Variants in GLCCI1 observed in about 807,000 individuals in gnomAD.
GLCCI1 encodes glucocorticoid induced 1.
GLCCI1 carries 24 observed loss-of-function variants against 52.2 expected under a neutral mutation model. That is an observed-to-expected ratio of 0.46 (90% confidence interval 0.33 to 0.65). The LOEUF (loss-of-function observed/expected upper bound fraction) is 0.65. Ranked by LOEUF, GLCCI1 falls within the 30% of genes least tolerant of loss-of-function variation. The probability of loss-of-function intolerance (pLI) is 0.02; values close to 1 mark genes in which losing one functional copy is unlikely to be tolerated. For missense variants in GLCCI1, 704 were observed against 701.5 expected, an observed-to-expected ratio of 1.00 and a Z score of -0.04; for synonymous variants, 310 against 276.5, an observed-to-expected ratio of 1.12 and a Z score of -1.20.
chr7:8,000,186 G>A (rs1321742427), intron 1 of GLCCI1, among the ~76,000 whole-genome samples: 1 of 151,998 alleles, frequency 6.6e-6, no homozygotes, highest in Non-Finnish European at 1.5e-5. Flanking sequence ...TCTTCGCAGT[G>A]GAAGGAATTT....
chr7:8,004,478 A>G (rs551952451), intron 2 of GLCCI1, among the ~76,000 whole-genome samples: 74 of 152,318 alleles, frequency 4.9e-4, no homozygotes, highest in Non-Finnish European at 9.8e-4. Context: ...TAAAACCAAG[A>G]CTAAAAGCCT....
intron 1 of GLCCI1, among the ~76,000 whole-genome samples, chr7:7,989,079 C>G (rs959294431): frequency 9.9e-5 from 15 of 152,048 alleles, no homozygotes; most frequent in African/African-American, 1.4e-4. Context: ...GTCTGAATCC[C>G]TAAATGATCA....
intron 1 of GLCCI1, among the ~76,000 whole-genome samples, chr7:8,003,259 G>A (rs1300570601): frequency 6.6e-6 from 1 of 152,120 alleles, no homozygotes; most frequent in Non-Finnish European, 1.5e-5. Context: ...CAGAGGCAGT[G>A]TGACATCTGA....
At chr7:8,054,952 T>A (rs1782352153) in intron 3 of GLCCI1, among the ~76,000 whole-genome samples, 1 of 151,972 alleles carries the variant, frequency 6.6e-6, no homozygotes, top group Non-Finnish European at 1.5e-5. Flanking sequence ...ACTAAATAGC[T>A]TTGATTCTCC....
chr7:7,983,024 G>A (rs1175436206), intron 1 of GLCCI1, among the ~76,000 whole-genome samples: 3 of 152,028 alleles, frequency 2.0e-5, no homozygotes, highest in African/African-American at 7.2e-5. Flanking sequence ...CACTTGCCCC[G>A]TTGTACTTTG....
intron 5 of GLCCI1, among the ~76,000 whole-genome samples, chr7:8,061,967 C>A (rs1782527896): frequency 1.3e-5 from 2 of 151,958 alleles, no homozygotes; most frequent in African/African-American, 4.8e-5. Flanking sequence ...GCGCCCAGCC[C>A]ATTAAAGTGT....
At chr7:8,047,458 C>T (rs1324294806) in intron 3 of GLCCI1, among the ~76,000 whole-genome samples, 1 of 152,162 alleles carries the variant, frequency 6.6e-6, no homozygotes, top group Non-Finnish European at 1.5e-5. Flanking sequence ...TGAATACTTA[C>T]CACTTTTTAC....
intron 1 of GLCCI1, among the ~76,000 whole-genome samples, chr7:7,973,413 C>CGCGTGTGT (rs1554257315): frequency 1.4e-5 from 2 of 147,590 alleles, no homozygotes; most frequent in East Asian, 3.9e-4. Flanking sequence ...TCTTTGTGTG[C>CGCGTGTGT]GTGTGTGTGT....
At chr7:8,080,069 C>T (rs1782964588) in intron 6 of GLCCI1, among the ~76,000 whole-genome samples, 2 of 151,582 alleles carry the variant, frequency 1.3e-5, no homozygotes, top group East Asian at 1.9e-4. Context: ...TTGGAGTTAA[C>T]TGAAAATACA....
chr7:8,031,920 C>T (rs1781760435), intron 3 of GLCCI1, among the ~76,000 whole-genome samples: 1 of 151,928 alleles, frequency 6.6e-6, no homozygotes, highest in Non-Finnish European at 1.5e-5. Context: ...ATATATGCAT[C>T]TAACATCTGC....
intron 1 of GLCCI1, among the ~76,000 whole-genome samples, chr7:7,971,105 A>G (rs1354952337): frequency 6.6e-5 from 10 of 152,168 alleles, no homozygotes; most frequent in Admixed American, 6.5e-4. Context: ...CCAGTGTAGG[A>G]TGTAGTGCAG....
At chr7:8,009,108 C>T (rs1344052484) in intron 2 of GLCCI1, among the ~76,000 whole-genome samples, 1 of 152,112 alleles carries the variant, frequency 6.6e-6, no homozygotes, top group Non-Finnish European at 1.5e-5. Context: ...AGAAATGGAT[C>T]ACTGCTGGTT....
intron 5 of GLCCI1, among the ~76,000 whole-genome samples, chr7:8,063,168 C>A (rs978308886): frequency 6.6e-6 from 1 of 152,068 alleles, no homozygotes; most frequent in African/African-American, 2.4e-5. Flanking sequence ...AACGGAGTCT[C>A]GCTCTGTTGC....
At chr7:7,974,909 G>A (rs1780431665) in intron 1 of GLCCI1, among the ~76,000 whole-genome samples, 1 of 152,124 alleles carries the variant, frequency 6.6e-6, no homozygotes, top group African/African-American at 2.4e-5. Context: ...TTTATTAAGT[G>A]TCTAAGAAGC....
intron 3 of GLCCI1, among the ~76,000 whole-genome samples, chr7:8,045,904 T>C (rs1341932039): frequency 6.6e-6 from 1 of 151,292 alleles, no homozygotes; most frequent in Non-Finnish European, 1.5e-5. Flanking sequence ...ATAAGAGATA[T>C]CGGACATATT....
chr7:8,073,569 C>A (rs902763193), intron 6 of GLCCI1, among the ~76,000 whole-genome samples: 2 of 151,876 alleles, frequency 1.3e-5, no homozygotes, highest in African/African-American at 4.8e-5. Flanking sequence ...AGGTTTTTTT[C>A]CTAATAGTTA....
intron 1 of GLCCI1, among the ~76,000 whole-genome samples, chr7:7,976,129 A>G (rs1780464161): frequency 6.6e-6 from 1 of 152,146 alleles, no homozygotes; most frequent in Non-Finnish European, 1.5e-5. Flanking sequence ...ATATAACTTA[A>G]TGAAGTCCAC....
At chr7:8,055,278 C>G (rs186983544) in intron 3 of GLCCI1, among the ~76,000 whole-genome samples, 155 bp from the exon 4 acceptor site, 1 of 152,232 alleles carries the variant, frequency 6.6e-6, no homozygotes. Context: ...TTAATAATCC[C>G]AAAAACTTGC....
chr7:8,023,980 C>G (rs1194939219), intron 3 of GLCCI1, among the ~76,000 whole-genome samples: 3 of 152,098 alleles, frequency 2.0e-5, no homozygotes, highest in Non-Finnish European at 4.4e-5. Flanking sequence ...GTTTTTAAAT[C>G]TGTTCTCTTA....
Sources: gnomAD v4.1 joint callset for allele counts (sites outside exome capture counted in the v4.1 genomes callset) on GRCh38, gnomAD v4.1.1 for gene constraint, MANE v1.5 for transcripts, NCBI Gene and HGNC (gene_info 2026-07-23, HGNC 2026-07-21) for gene names.